The following ADARB2 variants were observed in gnomAD, a reference collection of about 807,000 sequenced individuals.
ADARB2 encodes the protein adenosine deaminase RNA specific B2 (inactive), also known as inactive double-stranded RNA-specific editase B2.
A neutral mutation model predicts 62.2 loss-of-function variants in ADARB2; 25 were observed. The observed-to-expected ratio is 0.40, with a 90% CI of 0.29 to 0.56. ADARB2 has a LOEUF of 0.56. ADARB2 is among the 20% of genes least tolerant of loss of function. The pLI is 0.43. For synonymous variants in ADARB2, 572 were observed against 500.8 expected (o/e 1.14, Z -1.90); for missense variants, 1,071 against 1,077.4 (o/e 0.99, Z 0.08).
chr10:1,570,983 C>G (rs998389954), intron 1 of ADARB2, among the ~76,000 whole-genome samples: 1 of 152,152 alleles, frequency 6.6e-6, no homozygotes, highest in Admixed American at 6.5e-5. Context: ...GCTTTAGGGT[C>G]TCCTGCCTCC....
intron 2 of ADARB2, among the ~76,000 whole-genome samples, chr10:1,365,534 T>G (rs1372726593): frequency 1.3e-5 from 2 of 152,114 alleles, no homozygotes; most frequent in East Asian, 3.8e-4. Flanking sequence ...CAAAATCTGG[T>G]CCCTTGCAGG....
chr10:1,692,307 G>T (rs980577044), intron 1 of ADARB2, among the ~76,000 whole-genome samples: 1 of 152,194 alleles, frequency 6.6e-6, no homozygotes, highest in Non-Finnish European at 1.5e-5. Flanking sequence ...CCTTGTATTT[G>T]TTTAAATGCC....
intron 1 of ADARB2, among the ~76,000 whole-genome samples, chr10:1,411,019 TGCTGTGCTGGTGTCTGC>T (rs751213114): frequency 9.2e-5 from 14 of 152,192 alleles, no homozygotes; most frequent in Non-Finnish European, 1.8e-4. Context: ...GTCTGCTCCA[TGCTGTGCTGGTGTCTGC>T]GCTCCTCCCT....
At chr10:1,312,560 G>T (rs1831701651) in intron 3 of ADARB2, among the ~76,000 whole-genome samples, 1 of 152,342 alleles carries the variant, frequency 6.6e-6, no homozygotes, top group Non-Finnish European at 1.5e-5. Flanking sequence ...AAGTTTACCA[G>T]TTGTTTATAA....
At chr10:1,625,426 G>A (rs1379631613) in intron 1 of ADARB2, among the ~76,000 whole-genome samples, 1 of 152,238 alleles carries the variant, frequency 6.6e-6, no homozygotes, top group Non-Finnish European at 1.5e-5. Context: ...TTGCACCTTG[G>A]CGCTGGTGGG....
intron 6 of ADARB2, among the ~76,000 whole-genome samples, chr10:1,232,513 GTGC>G (rs1830816428): frequency 2.0e-5 from 3 of 150,846 alleles, no homozygotes; most frequent in South Asian, 2.1e-4. Flanking sequence ...TATGTGGTAT[GTGC>G]TGTGTGTGAT....
intron 3 of ADARB2, among the ~76,000 whole-genome samples, chr10:1,321,814 T>C (rs1412820980): frequency 6.6e-6 from 1 of 152,180 alleles, no homozygotes; most frequent in African/African-American, 2.4e-5. Flanking sequence ...TACTCTAATG[T>C]AGAAGGAAGG....
At chr10:1,669,781 AAC>A (rs1834360121) in intron 1 of ADARB2, among the ~76,000 whole-genome samples, 1 of 150,436 alleles carries the variant, frequency 6.6e-6, no homozygotes, top group Non-Finnish European at 1.5e-5. Flanking sequence ...CACAGACACA[AAC>A]ACACAGACAC....
chr10:1,317,949 C>G (rs553295939), intron 3 of ADARB2, among the ~76,000 whole-genome samples: 72 of 152,294 alleles, frequency 4.7e-4, no homozygotes, highest in African/African-American at 1.6e-3. Flanking sequence ...TTACTCGACC[C>G]TCCCTCAATC....
At chr10:1,453,773 G>A (rs900624720) in intron 1 of ADARB2, among the ~76,000 whole-genome samples, 2 of 152,142 alleles carry the variant, frequency 1.3e-5, no homozygotes, top group East Asian at 1.9e-4. Context: ...CTAATCATTA[G>A]GGAAATGCAA....
chr10:1,718,813 T>C (rs7910540), intron 1 of ADARB2, among the ~76,000 whole-genome samples: 70,056 of 152,090 alleles, frequency 0.46, 17,707 homozygotes, highest in African/African-American at 0.67. Flanking sequence ...TTCTTGTGGC[T>C]GGGACTGTCC....
rs1291103574 is a variant in ADARB2 at position 1,200,153 on chromosome 10, G to T, written c.1683-6C>A. 10 of 1,550,248 alleles carry T rather than the reference G, an allele frequency of 6.5e-6. No homozygotes were observed. Among genetic ancestry groups the T allele is most frequent in the Non-Finnish European group, 8.7e-6 (10 of 1,146,960 alleles). On this transcript the variant is annotated splice_polypyrimidine_tract_variant and splice_region_variant and intron_variant, in intron 7 of 9. Transcript: ENST00000381312. The stretch of plus-strand genomic sequence containing the variant: ...GCAGCCCCAGGACGTTCCACCTGTG[G>T]GGAGAGCCAGCAGTCAGCGGAGCCC...
chr10:1,257,981 T>A (rs560713926), intron 4 of ADARB2, among the ~76,000 whole-genome samples: 3 of 152,306 alleles, frequency 2.0e-5, no homozygotes, highest in African/African-American at 7.2e-5. Context: ...TTAGCCTGAA[T>A]CCTTTAGAAT....
intron 3 of ADARB2, among the ~76,000 whole-genome samples, chr10:1,352,937 A>G (rs751891833): frequency 6.6e-6 from 1 of 152,040 alleles, no homozygotes; most frequent in Non-Finnish European, 1.5e-5. Context: ...TGGCAGTTCC[A>G]CCAGGCCTAA....
At chr10:1,405,762 T>C (rs1245601237) in intron 1 of ADARB2, among the ~76,000 whole-genome samples, 3 of 151,720 alleles carry the variant, frequency 2.0e-5, no homozygotes, top group Admixed American at 6.6e-5. Flanking sequence ...TTAAACCCCC[T>C]AGATACACCT....
intron 4 of ADARB2, among the ~76,000 whole-genome samples, chr10:1,263,177 T>G (rs1255291561): frequency 6.6e-6 from 1 of 151,494 alleles, no homozygotes; most frequent in Non-Finnish European, 1.5e-5. Flanking sequence ...ATATACCTAA[T>G]GCTAAATGAT....
At chr10:1,300,496 C>G (rs1337779700) in intron 3 of ADARB2, among the ~76,000 whole-genome samples, 1 of 152,208 alleles carries the variant, frequency 6.6e-6, no homozygotes, top group Non-Finnish European at 1.5e-5. Flanking sequence ...ATCAATTCCC[C>G]CCATGTGTGC....
intron 8 of ADARB2, among the ~76,000 whole-genome samples, chr10:1,196,858 T>A (rs1239429114): frequency 1.3e-5 from 2 of 152,186 alleles, no homozygotes; most frequent in Non-Finnish European, 2.9e-5. Flanking sequence ...CACCTCAGCC[T>A]TCCAAAGTGC....
At chr10:1,679,646 G>T (rs1203454128) in intron 1 of ADARB2, among the ~76,000 whole-genome samples, 1 of 152,148 alleles carries the variant, frequency 6.6e-6, no homozygotes, top group Non-Finnish European at 1.5e-5. Flanking sequence ...TCCAGTTACA[G>T]GATGAAGAGC....
Sources: allele counts gnomAD v4.1 joint callset (sites outside exome capture counted in the v4.1 genomes callset), GRCh38; gene constraint gnomAD v4.1.1; transcripts MANE v1.5; gene names NCBI Gene and HGNC (gene_info 2026-07-23, HGNC 2026-07-21).